The following ANK3 variants were observed in gnomAD, a reference collection of about 807,000 sequenced individuals.
ANK3 encodes ankyrin 3.
A neutral mutation model predicts 370.9 loss-of-function variants in ANK3; 57 were observed. The ratio of observed to expected loss-of-function variants is 0.15; its 90% confidence interval spans 0.12 to 0.19. The LOEUF (loss-of-function observed/expected upper bound fraction) is 0.19, where lower values mean the gene tolerates loss of function less well. ANK3 is among the 10% of genes least tolerant of loss of function. The pLI is 1.00. For synonymous variants in ANK3, 1,929 were observed against 1,946.3 expected (o/e 0.99, Z 0.23); for missense variants, 4,439 against 5,302.1 (o/e 0.84, Z 5.06).
intron 24 of ANK3, among the ~76,000 whole-genome samples, chr10:60,135,066 G>C (rs937689736): frequency 3.9e-5 from 6 of 152,134 alleles, no homozygotes; most frequent in African/African-American, 1.4e-4. Context: ...CTCAGATGCA[G>C]GTACCCTGAT....
At chr10:60,282,369 T>C (rs193027191) in intron 1 of ANK3, among the ~76,000 whole-genome samples, 53 of 152,328 alleles carry the variant, frequency 3.5e-4, no homozygotes, top group African/African-American at 1.3e-3. Flanking sequence ...CCTCAGAATT[T>C]TCCCATCCAA....
intron 43 of ANK3, among the ~76,000 whole-genome samples, chr10:60,042,039 G>T (rs971853790): frequency 3.9e-5 from 6 of 152,168 alleles, no homozygotes; most frequent in Non-Finnish European, 1.5e-5. Context: ...TAGCTAAGTA[G>T]AAATAAATAG....
chr10:60,269,024 C>T (rs939646966), intron 5 of ANK3, among the ~76,000 whole-genome samples: 1 of 152,184 alleles, frequency 6.6e-6, no homozygotes, highest in African/African-American at 2.4e-5. Context: ...TTATCTACTG[C>T]CATCTTTTCT....
intron 29 of ANK3, 42 bp from the exon 30 acceptor site, chr10:60,086,926 T>G: frequency 2.8e-6 from 4 of 1,422,866 alleles, no homozygotes; most frequent in Non-Finnish European, 3.7e-6. Flanking sequence ...TGACTTTTTT[T>G]TTTTTTTTTC....
intron 40 of ANK3, chr10:60,062,609 T>C (rs970115822): frequency 1.3e-5 from 2 of 152,246 alleles, no homozygotes; most frequent in African/African-American, 2.4e-5. Flanking sequence ...ACTTGAATGA[T>C]ACATTAAATT....
At chr10:60,611,661 CA>C (rs144090024) in intron 2 of ANK3, among the ~76,000 whole-genome samples, 1,612 of 151,900 alleles carry the variant, frequency 0.011, 18 homozygotes, top group Middle Eastern at 0.024. Context: ...AGTTCAAAGA[CA>C]AAAGAATTCT....
intron 2 of ANK3, among the ~76,000 whole-genome samples, chr10:60,510,180 T>G (rs969954129): frequency 6.6e-6 from 1 of 152,122 alleles, no homozygotes; most frequent in South Asian, 2.1e-4. Flanking sequence ...TTAAGGTTAT[T>G]GCATAGACAC....
chr10:60,073,956 C>G lies in ANK3; in HGVS notation c.6925G>C (p.Ala2309Pro). 1 of 1,613,986 alleles carries G rather than the reference C, an allele frequency of 6.2e-7. No individual in the cohort carries two copies. The highest frequency in any genetic ancestry group is 2.2e-5 in the East Asian group (1 of 44,868). The stretch of plus-strand genomic sequence containing the variant: ...TCTGCATGCTGGGCTGAGGTTTCAG[C>G]AGCAGACTTGTGAACATCTGGAGAC... ...AVSPDVHKSAAETSAQHAEKD... is the reference protein window; with the variant it reads ...AVSPDVHKSAPETSAQHAEKD... Residue 2309 changes from alanine to proline, a missense_variant, in exon 37 of 44, where the codon GCT (alanine) becomes CCT (proline). Around this residue, in one of 13 missense-constraint regions of ANK3, gnomAD observed 1,601 missense variants for 1,731.7 expected, o/e 0.92. Transcript: ENST00000280772.
At chr10:60,034,580 G>A (rs1234820358) in intron 43 of ANK3, among the ~76,000 whole-genome samples, 1 of 152,078 alleles carries the variant, frequency 6.6e-6, no homozygotes, top group African/African-American at 2.4e-5. Flanking sequence ...TATCATCTGT[G>A]GCTAATTCCT....
At chr10:60,376,801 A>G (rs1366766244) in intron 1 of ANK3, among the ~76,000 whole-genome samples, 1 of 152,214 alleles carries the variant, frequency 6.6e-6, no homozygotes, top group African/African-American at 2.4e-5. Context: ...CAGGATCACT[A>G]ATTCTATAAT....
chr10:60,308,295 C>CTTTTTTT (rs66593889), intron 1 of ANK3, among the ~76,000 whole-genome samples: 5 of 84,104 alleles, frequency 5.9e-5, no homozygotes, highest in Non-Finnish European at 1.1e-4. Context: ...GGGAATCTGG[C>CTTTTTTT]TTTTTTTTTT....
rs59353719 is a variant in ANK3 at position 60,179,685 on chromosome 10, GAA to G, written c.2184+1642_2184+1643del. On this transcript the variant is annotated intron_variant, in intron 18 of 43. Coordinates refer to ENST00000280772, the MANE Select transcript of ANK3 (RefSeq NM_020987.5). ...GACAGAGTGAGACTCCCTCTTGGAG[GAA>G]AAAAAAAAAAAAAGACTACCAACTG... 3.8e-3 allele frequency among the ~76,000 whole-genome samples: 533 copies of G among 139,994 alleles called. 3 individuals carry two copies. The highest frequency in any genetic ancestry group is 0.012 in the African/African-American group (463 of 38,116). The allele number at this position is 139,994 out of a possible 152,430, so 91.8% of individuals were successfully genotyped here. A position where few individuals can be genotyped will look rare whatever the true frequency, so the allele number is the denominator to read the frequency against.
chr10:60,251,875 A>C (rs1168472109), intron 7 of ANK3, among the ~76,000 whole-genome samples: 1 of 152,156 alleles, frequency 6.6e-6, no homozygotes, highest in Non-Finnish European at 1.5e-5. Flanking sequence ...GCTGGTATTC[A>C]CTGAGCCCCT....
intron 2 of ANK3, among the ~76,000 whole-genome samples, chr10:60,403,496 C>T (rs370155537): frequency 6.6e-5 from 10 of 152,290 alleles, no homozygotes; most frequent in African/African-American, 2.2e-4. Flanking sequence ...GGCTTATCCC[C>T]GAATACAAGC....
intron 16 of ANK3, among the ~76,000 whole-genome samples, chr10:60,193,669 G>C (rs1032789584): frequency 6.6e-6 from 1 of 151,316 alleles, no homozygotes; most frequent in Non-Finnish European, 1.5e-5. Flanking sequence ...TGAGTAGAAA[G>C]AGAGATTGGA....
At chr10:60,454,854 A>G (rs2064706033) in intron 2 of ANK3, among the ~76,000 whole-genome samples, 1 of 152,226 alleles carries the variant, frequency 6.6e-6, no homozygotes, top group African/African-American at 2.4e-5. Flanking sequence ...AACCTTATAT[A>G]GCACTGCAAC....
Position 60,718,069 on chromosome 10 carries a change from T to A in ANK3, c.57+15194A>T, listed in dbSNP as rs893906389. ...TATATGGACATTGTCTGATCAACTA[T>A]CAGCCTGTGATTGGCTGAGACTCAG... On this transcript the variant is annotated intron_variant, in intron 1 of 43. Transcript: ENST00000373827. 3.3e-5 allele frequency among the ~76,000 whole-genome samples: 5 copies of A among 152,248 alleles called. No individual in the cohort carries two copies. In the East Asian group the frequency reaches 9.6e-4, roughly 29 times the overall value.
At chr10:60,495,227 A>G (rs1249148875) in intron 2 of ANK3, among the ~76,000 whole-genome samples, 1 of 152,236 alleles carries the variant, frequency 6.6e-6, no homozygotes, top group African/African-American at 2.4e-5. Flanking sequence ...TTCAAAGTCA[A>G]TATCATCTAT....
chr10:60,271,808 C>A (rs1440661569), intron 4 of ANK3, among the ~76,000 whole-genome samples: 1 of 151,166 alleles, frequency 6.6e-6, no homozygotes, highest in African/African-American at 2.4e-5. Flanking sequence ...AAATGCGATG[C>A]CACATAACAA....
Sources: gnomAD v4.1 joint callset for allele counts (sites outside exome capture counted in the v4.1 genomes callset) on GRCh38, gnomAD v4.1.1 for gene constraint, gnomAD v4.1.1 regional missense constraint, MANE v1.5 for transcripts, NCBI Gene and HGNC (gene_info 2026-07-23, HGNC 2026-07-21) for gene names.